Variants in ELAC2 observed in about 807,000 individuals in gnomAD.
ELAC2 encodes zinc phosphodiesterase ELAC protein 2.
In ELAC2, 92 loss-of-function variants were observed where a neutral mutation model predicts 105.2. The ratio of observed to expected loss-of-function variants is 0.87; its 90% confidence interval spans 0.74 to 1.04. The LOEUF (loss-of-function observed/expected upper bound fraction) is 1.04. Ranked by LOEUF, ELAC2 falls within the 50% of genes least tolerant of loss-of-function variation. The pLI, the probability that ELAC2 is intolerant of heterozygous loss-of-function variation, is 0.00. For synonymous variants in ELAC2, 468 were observed against 409.1 expected (o/e 1.14, Z -1.74); for missense variants, 1,099 against 1,071.7 (o/e 1.03, Z -0.36).
At chr17:13,017,562 CCCACCATAACT>C in intron 1 of ELAC2, 130 bp downstream of exon 1, 1 of 1,438,390 alleles carries the variant, frequency 7.0e-7, no homozygotes, top group Non-Finnish European at 9.4e-7. Flanking sequence ...GGATTTCCCA[CCCACCATAACT>C]CCACGAACCC....
At chr17:13,008,429 TTG>T (rs2041230719) in intron 8 of ELAC2, among the ~76,000 whole-genome samples, 2 of 151,864 alleles carry the variant, frequency 1.3e-5, no homozygotes, top group Non-Finnish European at 1.5e-5. Context: ...GGAGAACTGC[TTG>T]ACCCTGGGAG....
intron 6 of ELAC2, 107 bp from the exon 7 acceptor site, chr17:13,011,889 AC>A: frequency 6.5e-7 from 1 of 1,539,422 alleles, no homozygotes; most frequent in Non-Finnish European, 8.9e-7. Flanking sequence ...AAATCAGCAC[AC>A]CTTTTACTAT....
chr17:13,010,715 C>T lies in ELAC2; in HGVS notation c.680-44G>A, dbSNP rs776670721. The T allele has an allele frequency of 6.4e-6, 10 of 1,566,834 alleles. 1 individual carries two copies. In the South Asian group the frequency reaches 1.1e-4, roughly 17 times the overall value. On this transcript the variant is annotated intron_variant, in intron 7 of 23. Coordinates refer to ENST00000338034, the MANE Select transcript of ELAC2 (RefSeq NM_018127.7). Reference sequence around the variant, plus strand: ...GATTATCACAAGGTAAATGTGAAAGCTGTGAAGACATCACAGACTGATTAT... The same window carrying T: ...GATTATCACAAGGTAAATGTGAAAGTTGTGAAGACATCACAGACTGATTAT...
In ELAC2 at chr17:12,992,759, C is replaced by G. The variant is rs991035115; in HGVS notation, c.*59G>C. 2 of 1,593,710 alleles carry G rather than the reference C, an allele frequency of 1.3e-6. No homozygotes were observed. Among genetic ancestry groups the G allele is most frequent in the African/African-American group, 1.3e-5 (1 of 74,508 alleles). On this transcript the variant is annotated 3_prime_UTR_variant, in exon 24 of 24. Coordinates refer to ENST00000338034, the MANE Select transcript of ELAC2 (RefSeq NM_018127.7). ...CTTCTACCAGCAAGGAGGGCAGATA[C>G]GGGTGCGTGCGTGGGGCAGAAGACA...
chr17:13,010,966 A>T (rs1279143099), intron 7 of ELAC2, among the ~76,000 whole-genome samples: 5 of 152,224 alleles, frequency 3.3e-5, no homozygotes, highest in South Asian at 2.1e-4. Flanking sequence ...GACAGAGAAA[A>T]ATATATTGTA....
At chr17:12,996,309 A>C (rs1392511473) in intron 17 of ELAC2, 2 of 662,682 alleles carry the variant, frequency 3.0e-6, no homozygotes, top group African/African-American at 3.6e-5. Flanking sequence ...GACTCAAGGA[A>C]GGCTGGGTAA....
At position 13,003,341 on chromosome 17, in the gene ELAC2, G is replaced by A. The variant is rs916870861; in HGVS notation, c.1079+138C>T. On this transcript the variant is annotated intron_variant, in intron 12 of 23. Transcript: ENST00000338034. ...ACAGATCTGGGAAGCCTAGAATTCT[G>A]GGAAGGCAGGAATCCCACAGAAAGT... is the stretch of plus-strand genomic sequence containing the variant. The A allele has an allele frequency of 1.3e-5, 11 of 828,374 alleles. No individual in the cohort carries two copies. The East Asian group carries it at 2.7e-4, about 21-fold the overall frequency. 51.3% of individuals were successfully genotyped at this position (828,374 alleles called of 1,614,324 possible). A position where few individuals can be genotyped will look rare whatever the true frequency, so the allele number is the denominator to read the frequency against.
chr17:13,017,890 G>A lies in ELAC2; in HGVS notation c.58C>T (p.Arg20Cys), dbSNP rs1371429552. The change falls in exon 1 of 24, where the codon CGC (arginine) becomes TGC (cysteine). Residue 20 changes from arginine (R) to cysteine (C), a missense_variant. Transcript: ENST00000338034. ...CGGGCGGGTGCCTGCGATATGGTGC[G>A]TCCCTGCGACATGGTGCGTCCGGCC... Reference protein sequence around the residue: ...SAAGRTMSQGRTISQAPARRE... With the variant: ...SAAGRTMSQGCTISQAPARRE... 5 of 1,545,756 alleles carry A rather than the reference G, an allele frequency of 3.2e-6. No individual in the cohort carries two copies. The highest frequency in any genetic ancestry group is 4.4e-6 in the Non-Finnish European group (5 of 1,147,906).
At chr17:13,004,518 A>G (rs1015652238) in intron 11 of ELAC2, among the ~76,000 whole-genome samples, 12 of 152,236 alleles carry the variant, frequency 7.9e-5, no homozygotes, top group Non-Finnish European at 1.6e-4. Context: ...GATAGAGGAC[A>G]ACAACAGAGT....
At chr17:13,013,093 G>T in intron 6 of ELAC2, 114 bp downstream of exon 6, 1 of 1,208,624 alleles carries the variant, frequency 8.3e-7, no homozygotes, top group Non-Finnish European at 1.2e-6. Context: ...TTCTAATCAT[G>T]CTCAGAACAC....
chr17:13,010,340 T>C (rs950710630), intron 8 of ELAC2, among the ~76,000 whole-genome samples: 1 of 152,082 alleles, frequency 6.6e-6, no homozygotes, highest in Non-Finnish European at 1.5e-5. Flanking sequence ...CCAGCTAATT[T>C]TTGTATTTTT....
At chr17:13,009,408 T>C (rs2041287148) in intron 8 of ELAC2, among the ~76,000 whole-genome samples, 1 of 152,248 alleles carries the variant, frequency 6.6e-6, no homozygotes, top group Admixed American at 6.5e-5. Context: ...AAAATTTTAA[T>C]GCAAAATTCT....
At chr17:13,002,247 A>C (rs1362301536) in intron 14 of ELAC2, 27 bp downstream of exon 14, 1 of 1,612,824 alleles carries the variant, frequency 6.2e-7, no homozygotes, top group Non-Finnish European at 8.5e-7. Context: ...GACTGAGACG[A>C]TTCCATTAGT....
chr17:13,002,657 G>C (rs984679804), intron 12 of ELAC2, 78 bp from the exon 13 acceptor site: 1 of 1,549,416 alleles, frequency 6.5e-7, no homozygotes, highest in African/African-American at 1.4e-5. Context: ...GAGCTCAGGA[G>C]TGGTAATGAG....
chr17:13,003,319 G>C, intron 12 of ELAC2, 160 bp downstream of exon 12: 1 of 737,204 alleles, frequency 1.4e-6, no homozygotes, highest in South Asian at 1.5e-5. Flanking sequence ...GTGTAGCACA[G>C]ATCTGGGAAG....
At chr17:13,011,238 G>A (rs550698565) in intron 7 of ELAC2, among the ~76,000 whole-genome samples, 2 of 152,180 alleles carry the variant, frequency 1.3e-5, no homozygotes, top group Admixed American at 1.3e-4. Context: ...TTTTAACTCC[G>A]TTTCCCAGTG....
chr17:12,991,783 T>G lies in ELAC2; in HGVS notation c.*1035A>C. The G allele has an allele frequency of 4.7e-6, 1 of 212,858 alleles. No individual in the cohort carries two copies. Among genetic ancestry groups the G allele is most frequent in the East Asian group, 6.9e-5 (1 of 14,560 alleles). The allele number at this position is 212,858 out of a possible 1,614,324, so 13.2% of individuals were successfully genotyped here. On this transcript the variant is annotated 3_prime_UTR_variant, in exon 24 of 24. Transcript: ENST00000338034. ...ATCTCTCGCTTGCTTGTCTTTTGAG[T>G]TTTTAAAGCTCTTCTTTTTACATTC... is the stretch of plus-strand genomic sequence containing the variant.
Position 13,010,599 on chromosome 17 carries a change from A to C in ELAC2, c.738+14T>G, listed in dbSNP as rs774486054. ...ACCCCAGTCATGTACAGCCCTCCGG[A>C]AAGTCTTCCTTACCTTACAGATGAA... On this transcript the variant is annotated intron_variant, in intron 8 of 23. Coordinates refer to ENST00000338034, the MANE Select transcript of ELAC2 (RefSeq NM_018127.7). 8.1e-6 allele frequency: 13 copies of C among 1,613,868 alleles called. No individual in the cohort carries two copies. The highest frequency in any genetic ancestry group is 1.1e-5 in the South Asian group (1 of 91,078).
chr17:13,006,963 T>C (rs1295076491), intron 8 of ELAC2, among the ~76,000 whole-genome samples: 2 of 151,570 alleles, frequency 1.3e-5, no homozygotes, highest in Admixed American at 1.3e-4. Context: ...CTACTAAAAA[T>C]ACAAAAAATT....
Sources: gnomAD v4.1 joint callset for allele counts (sites outside exome capture counted in the v4.1 genomes callset) on GRCh38, gnomAD v4.1.1 for gene constraint, MANE v1.5 for transcripts, NCBI Gene and HGNC (gene_info 2026-07-23, HGNC 2026-07-21) for gene names.